SALL1: variants seen among roughly 807,000 people sequenced by gnomAD.
SALL1 encodes sal-like protein 1.
SALL1 carries 10 observed loss-of-function variants against 73.1 expected under a neutral mutation model. The observed-to-expected ratio is 0.14, with a 90% CI of 0.08 to 0.23. SALL1 has a LOEUF of 0.23. Ranked by LOEUF, SALL1 falls within the 10% of genes least tolerant of loss-of-function variation. The pLI is 1.00. For synonymous variants in SALL1, 688 were observed against 689.8 expected (o/e 1.00, Z 0.04); for missense variants, 1,520 against 1,697.3 (o/e 0.90, Z 1.84).
At chr16:51,148,723 C>CTAACA (rs1462274085) in intron 1 of SALL1, among the ~76,000 whole-genome samples, 1 of 152,224 alleles carries the variant, frequency 6.6e-6, no homozygotes, top group Non-Finnish European at 1.5e-5. Flanking sequence ...TTAGGCCCTC[C>CTAACA]TGTATGTCCA....
chr16:51,137,579 A>G (rs1171429485), intron 2 of SALL1, 27 bp from the exon 3 acceptor site: 3 of 1,558,566 alleles, frequency 1.9e-6, no homozygotes, highest in Non-Finnish European at 2.6e-6. Flanking sequence ...GCAGGCAGAG[A>G]GACAGAGAGA....
At position 51,142,070 on chromosome 16, in the gene SALL1, T is replaced by C. The variant is rs1962449529; in HGVS notation, c.152A>G (p.Glu51Gly). 1 of 1,613,896 alleles carries C rather than the reference T, an allele frequency of 6.2e-7. No individual in the cohort carries two copies. Among genetic ancestry groups the C allele is most frequent in the Non-Finnish European group, 8.5e-7 (1 of 1,180,030 alleles). Residue 51 changes from glutamate to glycine, a missense_variant, in exon 2 of 3, where the codon GAG becomes GGG. Transcript: ENST00000251020. The part of the protein sequence containing the change: ...DAHVCGRCCA[E>G]FFELSDLLLH... ...CAGAAGATCTGATAATTCAAAGAAC[T>C]CGGCACAGCACCGGCCACAGACGTG...
intron 2 of SALL1, among the ~76,000 whole-genome samples, chr16:51,138,051 C>T (rs1962344062): frequency 6.6e-6 from 1 of 152,242 alleles, no homozygotes; most frequent in Non-Finnish European, 1.5e-5. Flanking sequence ...ATTCATCTCA[C>T]ATTACTGGGA....
chr16:51,141,786 T>A lies in SALL1; in HGVS notation c.436A>T (p.Ser146Cys), dbSNP rs376786894. 6.2e-7 allele frequency: 1 copy of A among 1,612,906 alleles called. No individual in the cohort carries two copies. Among genetic ancestry groups the A allele is most frequent in the Non-Finnish European group, 8.5e-7 (1 of 1,179,676 alleles). ...CTGCTGCTGCTGCTTGGGGCGGTAC[T>A]GCTGTGGCTGCCGCTGGAAGTGCCG... Reference protein sequence around the residue: ...GSGTSSGSHSSTAPSSSSSSS... With the variant: ...GSGTSSGSHSCTAPSSSSSSS... The change falls in exon 2 of 3, where the codon AGT becomes TGT. Residue 146 changes from serine to cysteine, a missense_variant. This residue lies in a region of SALL1 where 540 missense variants were observed against 567.5 expected (regional missense o/e 0.95). Transcript: ENST00000251020. This position sits in a 1 kb window ranked among gnomAD's most constrained non-coding sequence, Gnocchi z 5.4.
chr16:51,137,199 G>A lies in SALL1; in HGVS notation c.3888C>T (p.Gly1296=), dbSNP rs535455041. 3 of 1,614,142 alleles carry A rather than the reference G, an allele frequency of 1.9e-6. No homozygotes were observed. The highest frequency in any genetic ancestry group is 2.5e-6 in the Non-Finnish European group (3 of 1,180,038). The change falls in exon 3 of 3, where the codon GGC becomes GGT. Residue 1296 remains glycine, a synonymous_variant. Coordinates refer to ENST00000251020, the MANE Select transcript of SALL1 (RefSeq NM_002968.3). ...TCTCACTGCTTGCCATTTTCTCCAG[G>A]CCGGCCAGGGGAGCATTGGGCTCTG... ...QNSEPNAPLA[G]LEKMASSENG... is the part of the protein sequence containing the mutation.
rs768811957 is a variant in SALL1 at position 51,141,460 on chromosome 16, T to C, written c.762A>G (p.Ile254Met). Residue 254 changes from isoleucine (I) to methionine (M), a missense_variant, in exon 2 of 3, where the codon ATA (isoleucine) becomes ATG (methionine). Physicochemically the swap from Ile to Met is conservative, Grantham distance 10 (BLOSUM62 1). Coordinates refer to ENST00000251020, the MANE Select transcript of SALL1 (RefSeq NM_002968.3). The surrounding 1 kb of genome is among the most constrained non-coding windows in gnomAD (Gnocchi z 5.4). The part of the protein sequence containing the change: ...LQLIEQIRHQ[I>M]LLLASQNADL... ...CTGCATTCTGAGAAGCCAACAGCAA[T>C]ATTTGGTGACGAATCTGTTCGATCA... 5.0e-6 allele frequency: 8 copies of C among 1,614,144 alleles called. No individual in the cohort carries two copies. The South Asian group carries it at 7.7e-5, about 16-fold the overall frequency.
chr16:51,144,032 C>CT (rs1162394960), intron 1 of SALL1, among the ~76,000 whole-genome samples: 1 of 151,536 alleles, frequency 6.6e-6, no homozygotes, highest in African/African-American at 2.4e-5. Context: ...TCTGCTTCTC[C>CT]CCTGCCTTAA....
chr16:51,150,626 G>C (rs1222880168), intron 1 of SALL1: 13 of 971,820 alleles, frequency 1.3e-5, no homozygotes, highest in Non-Finnish European at 1.5e-5. Flanking sequence ...CAGGCCGAGG[G>C]GGAGTGTGCG....
At chr16:51,145,415 C>T (rs1004160621) in intron 1 of SALL1, among the ~76,000 whole-genome samples, 1 of 152,008 alleles carries the variant, frequency 6.6e-6, no homozygotes, top group African/African-American at 2.4e-5. Flanking sequence ...ATGGATTTTG[C>T]ATACAGATTA....
chr16:51,141,907 T>C lies in SALL1; in HGVS notation c.315A>G (p.Thr105=). ...DEQMNDTVNK[T]DQVDCSDLSE... ...AAAGGTCGCTGCAGTCCACTTGATC[T>C]GTTTTGTTAACTGTGTCATTCATTT... is the stretch of plus-strand genomic sequence containing the variant. The change falls in exon 2 of 3, where the codon ACA becomes ACG. Residue 105 remains threonine, a synonymous_variant. Transcript: ENST00000251020. This position sits in a 1 kb window ranked among gnomAD's most constrained non-coding sequence, Gnocchi z 5.4. 6.2e-7 allele frequency: 1 copy of C among 1,614,006 alleles called. No homozygotes were observed. The highest frequency in any genetic ancestry group is 8.5e-7 in the Non-Finnish European group (1 of 1,180,026).
At position 51,138,538 on chromosome 16, in the gene SALL1, C is replaced by T; in HGVS notation, c.3534+150G>A. ...CTCCCAGGCACCCTCTCCCCCATTTCTCCCCCGTCAACCATGTGCAGCAGG... is the reference window on the plus strand; with the variant it reads ...CTCCCAGGCACCCTCTCCCCCATTTTTCCCCCGTCAACCATGTGCAGCAGG... On this transcript the variant is annotated intron_variant, in intron 2 of 2. Coordinates refer to ENST00000251020, the MANE Select transcript of SALL1 (RefSeq NM_002968.3). 4.8e-6 allele frequency: 5 copies of T among 1,044,018 alleles called. No individual in the cohort carries two copies. The South Asian group carries it at 6.9e-5, about 14-fold the overall frequency. The allele number at this position is 1,044,018 out of a possible 1,614,324, so 64.7% of individuals were successfully genotyped here.
intron 1 of SALL1, among the ~76,000 whole-genome samples, chr16:51,144,180 CTTATT>C (rs1962484423): frequency 6.6e-6 from 1 of 152,104 alleles, no homozygotes. Flanking sequence ...ATTTCAGATG[CTTATT>C]TTAAACTAGG....
rs967253443 is a variant in SALL1, at chr16:51,150,592, C to G, written c.76+574G>C. ...CCCATCTTCTTGCAGCTCTGAACCT[C>G]CAAAGACACCCGGTTCTGCCTCGCA... On this transcript the variant is annotated intron_variant, in intron 1 of 2. Coordinates refer to ENST00000251020, the MANE Select transcript of SALL1 (RefSeq NM_002968.3). 3.0e-6 allele frequency: 3 copies of G among 985,828 alleles called. No individual in the cohort carries two copies. The African/African-American group carries it at 5.2e-5, about 17-fold the overall frequency. The allele number at this position is 985,828 out of a possible 1,614,324, so 61.1% of individuals were successfully genotyped here.
chr16:51,149,085 C>CA (rs1427445585), intron 1 of SALL1, among the ~76,000 whole-genome samples: 1 of 151,918 alleles, frequency 6.6e-6, no homozygotes, highest in East Asian at 1.9e-4. Context: ...TAACTTACCT[C>CA]AAAGCTCAAA....
upstream of SALL1, among the ~76,000 whole-genome samples, chr16:51,151,836 G>T (rs905514202): frequency 6.6e-6 from 1 of 151,064 alleles, no homozygotes; most frequent in Non-Finnish European, 1.5e-5. Context: ...GCCGGGCGGC[G>T]AGGGCTGGGG....
intron 1 of SALL1, chr16:51,150,608 C>G (rs1463046762): frequency 3.0e-6 from 3 of 985,330 alleles, no homozygotes; most frequent in Non-Finnish European, 3.6e-6. Flanking sequence ...ACACCCGGTT[C>G]TGCCTCGCAG....
At chr16:51,143,852 T>C (rs1318394369) in intron 1 of SALL1, among the ~76,000 whole-genome samples, 1 of 152,200 alleles carries the variant, frequency 6.6e-6, no homozygotes, top group Admixed American at 6.5e-5. Flanking sequence ...GCTTTCCTAA[T>C]ACCCATCTTT....
chr16:51,147,203 A>T (rs1309347107), intron 1 of SALL1, among the ~76,000 whole-genome samples: 2 of 152,372 alleles, frequency 1.3e-5, no homozygotes, highest in East Asian at 3.9e-4. Flanking sequence ...GGGAAATGTG[A>T]TGTAAAATAA....
At chr16:51,151,131 G>A (rs1165635109) in intron 1 of SALL1, 35 bp downstream of exon 1, 2 of 1,525,812 alleles carry the variant, frequency 1.3e-6, no homozygotes, top group African/African-American at 1.4e-5. Context: ...GTGAGTGCGT[G>A]TGTGTGTGTC....
Sources: allele counts gnomAD v4.1 joint callset (sites outside exome capture counted in the v4.1 genomes callset), GRCh38; gene constraint gnomAD v4.1.1; regional missense constraint gnomAD v4.1.1; non-coding constraint Gnocchi (gnomAD v3.1); transcripts MANE v1.5; gene names NCBI Gene and HGNC (gene_info 2026-07-23, HGNC 2026-07-21).